The following SMARCA1 variants were observed in gnomAD, a reference collection of about 807,000 sequenced individuals.
SMARCA1 encodes the protein SWI/SNF-related matrix-associated actin-dependent regulator of chromatin subfamily A member 1.
A neutral mutation model predicts 93.6 loss-of-function variants in SMARCA1; 17 were observed. The observed-to-expected ratio is 0.18, with a 90% CI of 0.12 to 0.27. SMARCA1 has a LOEUF of 0.27. Ranked by LOEUF, SMARCA1 falls within the 10% of genes least tolerant of loss-of-function variation. The pLI is 1.00. For synonymous variants in SMARCA1, 271 were observed against 271.4 expected (o/e 1.00, Z 0.01); for missense variants, 630 against 819.0 (o/e 0.77, Z 2.82).
chrX:129,457,319 C>T (rs1242421487), intron 23 of SMARCA1, among the ~76,000 whole-genome samples: 2 of 112,193 alleles, frequency 1.8e-5, no homozygotes, highest in Admixed American at 1.9e-4. Flanking sequence ...ATGTGACTTG[C>T]TTTATTGTGA....
chrX:129,493,057 C>A lies in SMARCA1; in HGVS notation c.1645G>T (p.Glu549Ter). The A allele has an allele frequency of 2.1e-6, 1 of 487,546 alleles. No individual in the cohort carries two copies. 40.2% of individuals were successfully genotyped at this position (487,546 alleles called of 1,213,427 possible). ...EEREDKFLEV[E>*]FLGQREAIEA... is the part of the protein sequence containing the mutation. Reference sequence around the variant, plus strand: ...GTTCATACCCTTTGACCCAGAAATTCCACTTCTAGGAATTTATCCTAAGGA... The same window carrying A: ...GTTCATACCCTTTGACCCAGAAATTACACTTCTAGGAATTTATCCTAAGGA... The change falls in exon 13 of 25, where the codon GAA becomes TAA. Residue 549 changes from glutamate to a stop codon, truncating the protein, a stop_gained. Coordinates refer to ENST00000371121, the MANE Select transcript of SMARCA1 (RefSeq NM_001282874.2). LOFTEE classifies it high-confidence loss of function.
At chrX:129,516,199 G>GC in intron 3 of SMARCA1, 132 bp downstream of exon 3, 1 of 640,185 alleles carries the variant, frequency 1.6e-6, no homozygotes, top group Non-Finnish European at 2.4e-6. Context: ...AATTATAATG[G>GC]CAATATTTTT....
At chrX:129,503,299 T>C (rs907442228) in intron 9 of SMARCA1, among the ~76,000 whole-genome samples, 6 of 112,378 alleles carry the variant, frequency 5.3e-5, no homozygotes, top group African/African-American at 1.9e-4. Flanking sequence ...AGTTGTGAAA[T>C]CTTCTTTACC....
intron 16 of SMARCA1, among the ~76,000 whole-genome samples, chrX:129,487,557 A>G (rs1018923038): frequency 2.7e-5 from 3 of 112,672 alleles, no homozygotes; most frequent in African/African-American, 9.7e-5. Context: ...TCTTCTGAAA[A>G]GCAAATTCAA....
At chrX:129,514,254 T>C (rs56231906) in intron 5 of SMARCA1, among the ~76,000 whole-genome samples, 1,410 of 111,572 alleles carry the variant, frequency 0.013, 6 homozygotes, top group Non-Finnish European at 0.02. Flanking sequence ...AAGGAGGAGA[T>C]TGCAGTGAGC....
chrX:129,450,135 A>G (rs1229844662), intron 23 of SMARCA1, among the ~76,000 whole-genome samples: 1 of 112,202 alleles, frequency 8.9e-6, no homozygotes, highest in Non-Finnish European at 1.9e-5. Context: ...ACTGTATTTG[A>G]AGATGGGGAC....
chrX:129,498,820 A>G (rs1934439945), intron 10 of SMARCA1, among the ~76,000 whole-genome samples: 1 of 111,851 alleles, frequency 8.9e-6, no homozygotes, highest in South Asian at 3.7e-4. Flanking sequence ...TACATGATCT[A>G]ATTGTATTTA....
chrX:129,504,549 TAAAAAAAAA>T (rs780225300), intron 9 of SMARCA1, among the ~76,000 whole-genome samples, 176 bp downstream of exon 9: 9 of 24,210 alleles, frequency 3.7e-4, no homozygotes, highest in African/African-American at 8.6e-4. Context: ...CATAGAGGAA[TAAAAAAAAA>T]AAAAAAAAAA....
chrX:129,493,314 C>G (rs959976326), intron 12 of SMARCA1, among the ~76,000 whole-genome samples: 1 of 111,443 alleles, frequency 9.0e-6, no homozygotes, highest in African/African-American at 3.3e-5. Flanking sequence ...CTGTACTTTA[C>G]ATATAGTATA....
chrX:129,480,831 T>C lies in SMARCA1; in HGVS notation c.2329-17A>G. ...CCGTGGAGCCTATGAGGGAGGAAAA[T>C]GTATTATATATACTTCTTTTCAGTA... On this transcript the variant is annotated splice_polypyrimidine_tract_variant and intron_variant, in intron 18 of 24. Coordinates refer to ENST00000371121, the MANE Select transcript of SMARCA1 (RefSeq NM_001282874.2). The C allele has an allele frequency of 1.0e-6, 1 of 972,583 alleles. No homozygotes were observed. The highest frequency in any genetic ancestry group is 1.4e-6 in the Non-Finnish European group (1 of 702,107). The allele number at this position is 972,583 out of a possible 1,213,427, so 80.2% of individuals were successfully genotyped here.
chrX:129,457,855 C>T (rs1009650659), intron 23 of SMARCA1, among the ~76,000 whole-genome samples: 1 of 111,886 alleles, frequency 8.9e-6, no homozygotes, highest in Admixed American at 9.5e-5. Context: ...AGTTCCCATG[C>T]CTCAATCACA....
At chrX:129,508,684 C>T (rs1404540880) in intron 6 of SMARCA1, among the ~76,000 whole-genome samples, 1 of 112,334 alleles carries the variant, frequency 8.9e-6, no homozygotes, top group Admixed American at 9.5e-5. Flanking sequence ...ATAAAGGGGA[C>T]TTGCTCTGTC....
At chrX:129,486,003 C>G (rs954069244) in intron 17 of SMARCA1, among the ~76,000 whole-genome samples, 1 of 111,712 alleles carries the variant, frequency 9.0e-6, no homozygotes, top group Non-Finnish European at 1.9e-5. Context: ...TACAGCAACA[C>G]AAATGTGCTA....
At chrX:129,449,309 T>C (rs902237048) in intron 23 of SMARCA1, among the ~76,000 whole-genome samples, 1 of 111,927 alleles carries the variant, frequency 8.9e-6, no homozygotes, top group Non-Finnish European at 1.9e-5. Context: ...AGCCTTTCAG[T>C]TCCCTATGTG....
At chrX:129,467,501 C>T (rs1014706259) in intron 21 of SMARCA1, among the ~76,000 whole-genome samples, 1 of 110,617 alleles carries the variant, frequency 9.0e-6, no homozygotes, top group Non-Finnish European at 1.9e-5. Context: ...TCCAAATGCC[C>T]TAAATTTATG....
intron 17 of SMARCA1, among the ~76,000 whole-genome samples, chrX:129,483,821 T>A (rs1203312062): frequency 1.8e-5 from 2 of 112,370 alleles, no homozygotes; most frequent in Non-Finnish European, 3.8e-5. Flanking sequence ...GTTGTAAAAG[T>A]AATGCAACTG....
chrX:129,503,011 A>G (rs543486828), intron 9 of SMARCA1, among the ~76,000 whole-genome samples: 7 of 111,981 alleles, frequency 6.3e-5, no homozygotes, highest in South Asian at 3.8e-4. Context: ...AGAAGGTAAC[A>G]CAGATGCAGA....
chrX:129,465,810 C>T (rs779144887), intron 22 of SMARCA1, 34 bp downstream of exon 22: 11 of 1,054,824 alleles, frequency 1.0e-5, no homozygotes, highest in Admixed American at 2.9e-5. Context: ...TCAATTAAAA[C>T]GATCTAATAA....
At chrX:129,510,570 GA>G (rs1355580343) in intron 6 of SMARCA1, among the ~76,000 whole-genome samples, 1 of 111,445 alleles carries the variant, frequency 9.0e-6, no homozygotes, top group Non-Finnish European at 1.9e-5. Flanking sequence ...CCCGCCTCTG[GA>G]AAAAGAAACA....
Sources: allele counts gnomAD v4.1 joint callset (sites outside exome capture counted in the v4.1 genomes callset), GRCh38; gene constraint gnomAD v4.1.1; transcripts MANE v1.5; gene names NCBI Gene and HGNC (gene_info 2026-07-23, HGNC 2026-07-21).